CD44: variants seen among roughly 807,000 people sequenced by gnomAD.
CD44 encodes CD44 antigen.
CD44 carries 49 observed loss-of-function variants against 88.8 expected under a neutral mutation model. That is an observed-to-expected ratio of 0.55 (90% CI 0.44 to 0.70). The LOEUF (loss-of-function observed/expected upper bound fraction) is 0.70, where lower values mean the gene tolerates loss of function less well. Ranked by LOEUF, CD44 falls within the 30% of genes least tolerant of loss-of-function variation. The pLI, the probability that CD44 is intolerant of heterozygous loss-of-function variation, is 0.00. For synonymous variants in CD44, 325 were observed against 312.3 expected (o/e 1.04, Z -0.43); for missense variants, 883 against 913.8 (o/e 0.97, Z 0.43).
At chr11:35,162,133 C>T (rs1942700569) in intron 1 of CD44, among the ~76,000 whole-genome samples, 1 of 152,144 alleles carries the variant, frequency 6.6e-6, no homozygotes, top group Non-Finnish European at 1.5e-5. Flanking sequence ...AAGATTGTAT[C>T]TGGCTTGTAT....
chr11:35,140,162 C>A (rs867641191), intron 1 of CD44, among the ~76,000 whole-genome samples: 28 of 152,200 alleles, frequency 1.8e-4, no homozygotes, highest in African/African-American at 5.6e-4. Flanking sequence ...GAGAGAAGAG[C>A]CTTGATACCA....
chr11:35,164,010 T>C (rs1942970753), intron 1 of CD44, among the ~76,000 whole-genome samples: 1 of 152,048 alleles, frequency 6.6e-6, no homozygotes. Flanking sequence ...AACGAGATAG[T>C]TCATGTGAAG....
chr11:35,210,132 G>A (rs1948257595), intron 13 of CD44, 78 bp downstream of exon 13: 2 of 768,276 alleles, frequency 2.6e-6, no homozygotes, highest in South Asian at 1.9e-5. Context: ...AGTGTCTTTG[G>A]TGGAGGTGCA....
chr11:35,162,638 G>A (rs955763036), intron 1 of CD44, among the ~76,000 whole-genome samples: 5 of 152,218 alleles, frequency 3.3e-5, no homozygotes, highest in African/African-American at 1.2e-4. Context: ...TGAAAGCTCA[G>A]GAAGAGGTGT....
At chr11:35,200,968 A>T (rs1416755735) in intron 7 of CD44, 114 bp from the exon 8 acceptor site, 5 of 788,672 alleles carry the variant, frequency 6.3e-6, no homozygotes, top group African/African-American at 3.4e-5. Flanking sequence ...CATCTATACA[A>T]CCTGGTATAG....
chr11:35,218,005 C>T (rs1204584150), intron 15 of CD44, among the ~76,000 whole-genome samples: 2 of 151,998 alleles, frequency 1.3e-5, no homozygotes, highest in Non-Finnish European at 2.9e-5. Flanking sequence ...CCAGGCTGGT[C>T]TCAAAGTCCT....
chr11:35,220,389 T>A (rs1251889911), intron 16 of CD44, among the ~76,000 whole-genome samples: 2 of 152,164 alleles, frequency 1.3e-5, no homozygotes, highest in Non-Finnish European at 2.9e-5. Flanking sequence ...CACTTCTGAC[T>A]CTACCTCCCT....
At chr11:35,195,712 A>G (rs1013006337) in intron 5 of CD44, among the ~76,000 whole-genome samples, 2 of 152,088 alleles carry the variant, frequency 1.3e-5, no homozygotes, top group African/African-American at 4.8e-5. Context: ...GGTTATAGAA[A>G]TGGCAGTCTT....
At chr11:35,209,848 G>T (rs1275549171) in intron 12 of CD44, 117 bp from the exon 13 acceptor site, 1 of 648,694 alleles carries the variant, frequency 1.5e-6, no homozygotes, top group Non-Finnish European at 2.7e-6. Context: ...ACAAACCTTG[G>T]TCTTCCTATG....
At chr11:35,171,776 A>G (rs1349908291) in intron 1 of CD44, among the ~76,000 whole-genome samples, 2 of 152,200 alleles carry the variant, frequency 1.3e-5, no homozygotes, top group Non-Finnish European at 2.9e-5. Context: ...CATCAATGCA[A>G]TCTTTCTTAC....
rs555709708 is a variant in CD44, at chr11:35,207,434, G to A, written c.1415-671G>A. ...CTTCTTATTTCAGCAGAGTAGATCTGTGATAACTGTTAAAAACAACATTTA... is the reference window on the plus strand; with the variant it reads ...CTTCTTATTTCAGCAGAGTAGATCTATGATAACTGTTAAAAACAACATTTA... On this transcript the variant is annotated intron_variant, in intron 11 of 17. Transcript: ENST00000428726. Among the ~76,000 whole-genome samples the A allele has an allele frequency of 2.0e-5, 3 of 152,236 alleles. No homozygotes were observed. The East Asian group carries it at 5.8e-4, about 29-fold the overall frequency.
intron 1 of CD44, among the ~76,000 whole-genome samples, chr11:35,158,022 G>A (rs530223304): frequency 1.3e-5 from 2 of 152,302 alleles, no homozygotes; most frequent in East Asian, 1.9e-4. Context: ...AAAGGAGCCC[G>A]ATTATCTGTT....
At chr11:35,150,289 G>A (rs923556158) in intron 1 of CD44, among the ~76,000 whole-genome samples, 1 of 151,954 alleles carries the variant, frequency 6.6e-6, no homozygotes, top group Non-Finnish European at 1.5e-5. Context: ...GAGAATCTAG[G>A]GGAAAAAAAG....
At chr11:35,175,010 G>A (rs1944306166) in intron 1 of CD44, among the ~76,000 whole-genome samples, 1 of 152,196 alleles carries the variant, frequency 6.6e-6, no homozygotes, top group Non-Finnish European at 1.5e-5. Context: ...GAGACTGGGG[G>A]TTAGACAAGG....
chr11:35,181,894 A>ATAAT (rs1945093551), intron 3 of CD44, among the ~76,000 whole-genome samples: 5 of 72,024 alleles, frequency 6.9e-5, no homozygotes, highest in African/African-American at 3.3e-4. Context: ...TTCTATATAT[A>ATAAT]ATATAATATA....
At chr11:35,223,374 C>T (rs926036134) in intron 17 of CD44, 10 of 712,466 alleles carry the variant, frequency 1.4e-5, no homozygotes, top group Non-Finnish European at 1.7e-5. Flanking sequence ...CACTTTTGCT[C>T]ACATACACAG....
chr11:35,192,591 G>T (rs767557667), intron 5 of CD44, among the ~76,000 whole-genome samples: 2 of 152,074 alleles, frequency 1.3e-5, no homozygotes, highest in Non-Finnish European at 2.9e-5. Flanking sequence ...GTAGTGGGTG[G>T]CAATAGGGAC....
chr11:35,221,121 A>C (rs1207652509), intron 16 of CD44, among the ~76,000 whole-genome samples: 1 of 152,230 alleles, frequency 6.6e-6, no homozygotes, highest in African/African-American at 2.4e-5. Flanking sequence ...CACGGTGTTT[A>C]GCAAACATTG....
At position 35,208,136 on chromosome 11, in the gene CD44, G is replaced by T; in HGVS notation, c.1446G>T (p.Gln482His). The T allele has an allele frequency of 6.2e-7, 1 of 1,611,834 alleles. No individual in the cohort carries two copies. Among genetic ancestry groups the T allele is most frequent in the Non-Finnish European group, 8.5e-7 (1 of 1,177,978 alleles). ...ACTCCAGTCATAGTATAACGCTTCA[G>T]CCTACTGCAAATCCAAACACAGGTT... ...DMDSSHSITL[Q>H]PTANPNTGLV... The change falls in exon 12 of 18, where the codon CAG (glutamine) becomes CAT (histidine). Residue 482 changes from glutamine to histidine, a missense_variant. By Grantham distance (24) the Gln-to-His change is conservative. Transcript: ENST00000428726.
Sources: allele counts gnomAD v4.1 joint callset (sites outside exome capture counted in the v4.1 genomes callset), GRCh38; gene constraint gnomAD v4.1.1; transcripts MANE v1.5; gene names NCBI Gene and HGNC (gene_info 2026-07-23, HGNC 2026-07-21).